The following AGAP1 variants were observed in gnomAD, a reference collection of about 807,000 sequenced individuals.
The protein encoded by AGAP1 is ArfGAP with GTPase domain, ankyrin repeat and PH domain 1.
A neutral mutation model predicts 105.3 loss-of-function variants in AGAP1; 29 were observed. The observed-to-expected ratio is 0.28, with a 90% CI of 0.21 to 0.38. The LOEUF (loss-of-function observed/expected upper bound fraction) is 0.38. Among genes scored for constraint, AGAP1 ranks in the 10% least tolerant of loss-of-function variants. The probability of loss-of-function intolerance (pLI) is 1.00; values close to 1 mark genes in which losing one functional copy is unlikely to be tolerated. For synonymous variants in AGAP1, 509 were observed against 485.9 expected, an observed-to-expected ratio of 1.05 and a Z score of -0.63; for missense variants, 998 against 1,165.1, an observed-to-expected ratio of 0.86 and a Z score of 2.09.
chr2:235,727,807 A>G (rs1322298735), intron 3 of AGAP1, among the ~76,000 whole-genome samples: 1 of 152,148 alleles, frequency 6.6e-6, no homozygotes, highest in Non-Finnish European at 1.5e-5. Context: ...CAGTCCAGCA[A>G]TCAGGGTTCA....
intron 1 of AGAP1, among the ~76,000 whole-genome samples, chr2:235,519,302 G>A (rs867181908): frequency 5.3e-5 from 8 of 152,080 alleles, no homozygotes; most frequent in African/African-American, 1.9e-4. Context: ...GGTCTTGAAT[G>A]CCTCAAGTGA....
rs1185390845 is a variant in AGAP1, at chr2:235,960,629, G to A, written c.1484-7833G>A. 6.6e-6 allele frequency among the ~76,000 whole-genome samples: 1 copy of A among 152,128 alleles called. No homozygotes were observed. The highest frequency in any genetic ancestry group is 1.5e-5 in the Non-Finnish European group (1 of 68,020). ...CTTCCTTCTTTGTTCAGGTAGCAGG[G>A]CCCAAGAAAAATCGTCTTTTATGGA... On this transcript the variant is annotated intron_variant, in intron 12 of 17. Transcript: ENST00000304032. This position sits in a 1 kb window ranked among gnomAD's most constrained non-coding sequence, Gnocchi z 4.9.
At position 235,550,385 on chromosome 2, in the gene AGAP1, A is replaced by G. The variant is rs183860843; in HGVS notation, c.163+55536A>G. 1.3e-5 allele frequency among the ~76,000 whole-genome samples: 2 copies of G among 152,280 alleles called. No homozygotes were observed. The highest frequency in any genetic ancestry group is 3.9e-4 in the East Asian group (2 of 5,182). ...ATAAAATCACTGCCAGTGACTTCTC[A>G]TAGCTGTTCGTCATTGGGAGTCACT... On this transcript the variant is annotated intron_variant, in intron 1 of 17. Transcript: ENST00000304032. The surrounding 1 kb of genome is among the most constrained non-coding windows in gnomAD (Gnocchi z 4.6).
intron 6 of AGAP1, among the ~76,000 whole-genome samples, chr2:235,763,074 G>A (rs1954607062): frequency 1.1e-5 from 1 of 90,692 alleles, no homozygotes; most frequent in South Asian, 2.7e-4. Flanking sequence ...GCGCGCACAC[G>A]TGCACCTGCC....
chr2:235,975,648 A>T (rs1202342944), intron 13 of AGAP1, among the ~76,000 whole-genome samples: 1 of 152,336 alleles, frequency 6.6e-6, no homozygotes, highest in Non-Finnish European at 1.5e-5. Context: ...TTCCAGGTTT[A>T]TATCCAGTCT....
intron 11 of AGAP1, among the ~76,000 whole-genome samples, chr2:235,909,307 A>G (rs1429035442): frequency 6.6e-6 from 1 of 152,232 alleles, no homozygotes; most frequent in Non-Finnish European, 1.5e-5. Context: ...AGAGGAAACC[A>G]TTTGACCTAT....
At chr2:235,797,516 A>G (rs1252671778) in intron 6 of AGAP1, among the ~76,000 whole-genome samples, 1 of 147,220 alleles carries the variant, frequency 6.8e-6, no homozygotes, top group Admixed American at 6.9e-5. Context: ...TTCTGCTCTC[A>G]TCCTGCTGGC....
Position 235,691,262 on chromosome 2 carries a change from C to A in AGAP1, c.164-17917C>A, listed in dbSNP as rs1427583613. On this transcript the variant is annotated intron_variant, in intron 1 of 17. Transcript: ENST00000304032. The surrounding 1 kb of genome is among the most constrained non-coding windows in gnomAD (Gnocchi z 4.4). ...ATGCGCATAGGGCTCTGTGCCTGGC[C>A]CCAGGACTGTCATATCCAGGGAAAG... is the stretch of plus-strand genomic sequence containing the variant. Among the ~76,000 whole-genome samples, 1 of 152,122 alleles carries A rather than the reference C, an allele frequency of 6.6e-6. No individual in the cohort carries two copies. Among genetic ancestry groups the A allele is most frequent in the Non-Finnish European group, 1.5e-5 (1 of 68,024 alleles).
At chr2:235,907,743 T>G (rs1014561687) in intron 10 of AGAP1, among the ~76,000 whole-genome samples, 1 of 152,234 alleles carries the variant, frequency 6.6e-6, no homozygotes. Context: ...ATATATAACC[T>G]GCACACATTC....
At chr2:235,897,842 T>A (rs1029586212) in intron 10 of AGAP1, among the ~76,000 whole-genome samples, 1 of 152,172 alleles carries the variant, frequency 6.6e-6, no homozygotes, top group Admixed American at 6.5e-5. Context: ...ATAACCTGAT[T>A]GCGGGCTTGT....
At chr2:235,501,802 C>G (rs563280944) in intron 1 of AGAP1, among the ~76,000 whole-genome samples, 1 of 152,264 alleles carries the variant, frequency 6.6e-6, no homozygotes, top group East Asian at 1.9e-4. Flanking sequence ...AATCCTCCAG[C>G]CTTCACGTCC....
rs546580577 is a variant in AGAP1 at position 235,928,311 on chromosome 2, G to A, written c.1325-2454G>A. Among the ~76,000 whole-genome samples, 9 of 152,342 alleles carry A rather than the reference G, an allele frequency of 5.9e-5. No homozygotes were observed. The South Asian group carries it at 1.2e-3, about 21-fold the overall frequency. Reference sequence around the variant, plus strand: ...CCAAACGCACCTTCGATGGGTGGATGTGTGGGATTGAGAGAGAGAAGGGGA... The same window carrying A: ...CCAAACGCACCTTCGATGGGTGGATATGTGGGATTGAGAGAGAGAAGGGGA... On this transcript the variant is annotated intron_variant, in intron 11 of 17. Transcript: ENST00000304032.
At chr2:235,516,210 A>G (rs992677748) in intron 1 of AGAP1, among the ~76,000 whole-genome samples, 4 of 152,068 alleles carry the variant, frequency 2.6e-5, no homozygotes, top group African/African-American at 9.7e-5. Flanking sequence ...TTTTACATGC[A>G]TGCCTGGCGA....
Position 236,046,610 on chromosome 2 carries a change from T to G in AGAP1, c.1892-2449T>G, listed in dbSNP as rs1012724597. Among the ~76,000 whole-genome samples, 1 of 152,112 alleles carries G rather than the reference T, an allele frequency of 6.6e-6. No individual in the cohort carries two copies. The highest frequency in any genetic ancestry group is 6.5e-5 in the Admixed American group (1 of 15,286). ...GACTAGGAGATTCTCCCAACTGAAA[T>G]GTACGTGGTCGTTGCGTATATAATA... is the stretch of plus-strand genomic sequence containing the variant. On this transcript the variant is annotated intron_variant, in intron 15 of 17. Coordinates refer to ENST00000304032, the MANE Select transcript of AGAP1 (RefSeq NM_001037131.3). This position sits in a 1 kb window ranked among gnomAD's most constrained non-coding sequence, Gnocchi z 5.2.
chr2:236,113,863 G>A lies in AGAP1; in HGVS notation c.2115-6329G>A, dbSNP rs72974719. Among the ~76,000 whole-genome samples the A allele has an allele frequency of 0.11, 16,717 of 152,232 alleles. 1,122 individuals are homozygous for A. The highest frequency in any genetic ancestry group is 0.19 in the Middle Eastern group (57 of 294). On this transcript the variant is annotated intron_variant, in intron 16 of 17. Transcript: ENST00000304032. The surrounding 1 kb of genome is among the most constrained non-coding windows in gnomAD (Gnocchi z 4.3). ...ATGGCTTCCTGTCATGGCCCAGAGA[G>A]AGGTAAAGAGCCACCTTTACCTCTT... is the stretch of plus-strand genomic sequence containing the variant.
chr2:235,987,380 T>A (rs981518344), intron 13 of AGAP1, among the ~76,000 whole-genome samples: 1 of 152,070 alleles, frequency 6.6e-6, no homozygotes, highest in African/African-American at 2.4e-5. Context: ...GTCTGTTTGA[T>A]TTTTCTCTCT....
intron 1 of AGAP1, among the ~76,000 whole-genome samples, chr2:235,515,206 AC>A (rs893025574): frequency 1.3e-5 from 2 of 152,150 alleles, no homozygotes; most frequent in African/African-American, 4.8e-5. Flanking sequence ...ACTCAAGCAG[AC>A]ATGGATTTTA....
intron 1 of AGAP1, among the ~76,000 whole-genome samples, chr2:235,581,673 G>C (rs561188951): frequency 6.6e-6 from 1 of 152,094 alleles, no homozygotes; most frequent in Non-Finnish European, 1.5e-5. Flanking sequence ...GGGTGTAGTG[G>C]TGCATGCCTG....
At chr2:235,640,656 G>T (rs1286317690) in intron 1 of AGAP1, among the ~76,000 whole-genome samples, 1 of 152,142 alleles carries the variant, frequency 6.6e-6, no homozygotes, top group Non-Finnish European at 1.5e-5. Context: ...TCCCTCTCTA[G>T]CCCCTGTGTC....
Sources: gnomAD v4.1 joint callset for allele counts (sites outside exome capture counted in the v4.1 genomes callset) on GRCh38, gnomAD v4.1.1 for gene constraint, Gnocchi (gnomAD v3.1) non-coding constraint, MANE v1.5 for transcripts, NCBI Gene and HGNC (gene_info 2026-07-23, HGNC 2026-07-21) for gene names.